The following YTHDF1 variants were observed in gnomAD, a reference collection of about 807,000 sequenced individuals.
The protein encoded by YTHDF1 is YTH N6-methyladenosine RNA binding protein F1.
YTHDF1 carries 16 observed loss-of-function variants against 49.1 expected under a neutral mutation model. The ratio of observed to expected loss-of-function variants is 0.33; its 90% CI spans 0.22 to 0.49. The LOEUF is 0.49. Among genes scored for constraint, YTHDF1 ranks in the 20% least tolerant of loss-of-function variants. YTHDF1 has a pLI of 0.99. For synonymous variants in YTHDF1, 313 were observed against 290.1 expected (o/e 1.08, Z -0.80); for missense variants, 621 against 744.3 (o/e 0.83, Z 1.93).
At chr20:63,209,865 C>G (rs6122401) in intron 3 of YTHDF1, among the ~76,000 whole-genome samples, 52,670 of 152,086 alleles carry the variant, frequency 0.35, 9,331 homozygotes, top group Middle Eastern at 0.46. Flanking sequence ...CATCTCCTGT[C>G]ACACCAATTG....
At chr20:63,213,432 CA>C (rs2066585318) in intron 3 of YTHDF1, among the ~76,000 whole-genome samples, 1 of 152,092 alleles carries the variant, frequency 6.6e-6, no homozygotes, top group Admixed American at 6.5e-5. Context: ...GACGCTGTCT[CA>C]AAAAAAGGAC....
At chr20:63,213,513 AAT>A (rs2066586035) in intron 3 of YTHDF1, among the ~76,000 whole-genome samples, 1 of 152,204 alleles carries the variant, frequency 6.6e-6, no homozygotes, top group Admixed American at 6.5e-5. Flanking sequence ...CCCAGACCAC[AAT>A]TCCAATCATC....
At position 63,203,951 on chromosome 20, in the gene YTHDF1, C is replaced by T. The variant is rs907340352; in HGVS notation, c.133-144G>A. ...CTCCTTCCAGAAAGAAAGCTGTAGT[C>T]GCCAATGTGAGAACCAAATCAAGAC... On this transcript the variant is annotated intron_variant, in intron 3 of 4. Coordinates refer to ENST00000370339, the MANE Select transcript of YTHDF1 (RefSeq NM_017798.4). The surrounding 1 kb of genome is among the most constrained non-coding windows in gnomAD (Gnocchi z 4.4). 4 of 741,656 alleles carry T rather than the reference C, an allele frequency of 5.4e-6. No individual in the cohort carries two copies. Among genetic ancestry groups the T allele is most frequent in the Admixed American group, 3.1e-5 (1 of 32,696 alleles). The allele number at this position is 741,656 out of a possible 1,614,324, so 45.9% of individuals were successfully genotyped here.
Position 63,203,321 on chromosome 20 carries a change from C to T in YTHDF1, c.619G>A (p.Val207Ile), listed in dbSNP as rs187686193. The T allele has an allele frequency of 8.8e-5, 142 of 1,613,508 alleles. No individual in the cohort carries two copies. In the East Asian group the frequency reaches 2.1e-3, roughly 24 times the overall value. The change falls in exon 4 of 5, where the codon GTC becomes ATC. Residue 207 changes from valine (V) to isoleucine (I), a missense_variant. Val to Ile is a conservative substitution (Grantham distance 29). This residue lies in a region of YTHDF1 where 470 missense variants were observed against 495.8 expected (regional missense o/e 0.95). Transcript: ENST00000370339. This position sits in a 1 kb window ranked among gnomAD's most constrained non-coding sequence, Gnocchi z 4.4. ...SSAVKTVGSV[V>I]SSVALTGVLS... Reference sequence around the variant, plus strand: ...ACACCAGTCAGTGCCACGCTGCTGACGACAGAGCCCACCGTCTTGACGGCG... The same window carrying T: ...ACACCAGTCAGTGCCACGCTGCTGATGACAGAGCCCACCGTCTTGACGGCG...
In YTHDF1 at chr20:63,196,688, T is replaced by C. The variant is rs751241936; in HGVS notation, c.*20A>G. ...GTTTTCAAAGTCAAACGTTAGAACA[T>C]GTAAGAAACTGGTTCGCCCTCATTG... On this transcript the variant is annotated 3_prime_UTR_variant, in exon 5 of 5. Coordinates refer to ENST00000370339, the MANE Select transcript of YTHDF1 (RefSeq NM_017798.4). 4 of 1,613,766 alleles carry C rather than the reference T, an allele frequency of 2.5e-6. No homozygotes were observed. The highest frequency in any genetic ancestry group is 3.4e-6 in the Non-Finnish European group (4 of 1,179,844).
intron 2 of YTHDF1, among the ~76,000 whole-genome samples, chr20:63,214,768 T>C (rs1568995931): frequency 2.6e-5 from 4 of 152,316 alleles, no homozygotes; most frequent in African/African-American, 9.6e-5. Flanking sequence ...CCACCAGGAA[T>C]TTCCTTGTGG....
intron 3 of YTHDF1, among the ~76,000 whole-genome samples, chr20:63,212,955 CAG>C (rs1491329388): frequency 6.6e-6 from 1 of 152,218 alleles, no homozygotes; most frequent in Non-Finnish European, 1.5e-5. Context: ...CCTAAGAAAA[CAG>C]GGCAGCTATG....
At chr20:63,201,331 GA>G (rs1293311616) in intron 4 of YTHDF1, among the ~76,000 whole-genome samples, 1 of 152,038 alleles carries the variant, frequency 6.6e-6, no homozygotes, top group Admixed American at 6.6e-5. Context: ...ATAGAGAACT[GA>G]AAAAAACACT....
intron 3 of YTHDF1, among the ~76,000 whole-genome samples, chr20:63,204,148 C>G (rs2066533588): frequency 6.6e-6 from 1 of 152,240 alleles, no homozygotes; most frequent in Non-Finnish European, 1.5e-5. Context: ...GAGTAAACCC[C>G]TGCCTGCTGA....
chr20:63,206,028 G>A (rs950227524), intron 3 of YTHDF1, among the ~76,000 whole-genome samples: 1 of 151,206 alleles, frequency 6.6e-6, no homozygotes, highest in African/African-American at 2.4e-5. Flanking sequence ...CTGGGGGGGT[G>A]AGCGAATCAG....
intron 2 of YTHDF1, among the ~76,000 whole-genome samples, chr20:63,214,360 C>T (rs2066590976): frequency 6.6e-6 from 1 of 152,184 alleles, no homozygotes; most frequent in South Asian, 2.1e-4. Flanking sequence ...GAAGGGGCTG[C>T]AACTGAAGGA....
In YTHDF1 at chr20:63,202,863, G is replaced by A. The variant is rs867032338; in HGVS notation, c.1077C>T (p.Ala359=). The A allele has an allele frequency of 1.2e-6, 2 of 1,613,938 alleles. No homozygotes were observed. Among genetic ancestry groups the A allele is most frequent in the Non-Finnish European group, 1.7e-6 (2 of 1,180,052 alleles). The change falls in exon 4 of 5, where the codon GCC becomes GCT. Residue 359 remains alanine, a synonymous_variant. Transcript: ENST00000370339. ...NSPGNVQPNS[A]PSVESHPVLE... ...GGACGGGGTGGGATTCGACGCTGGGGGCAGAATTAGGCTGGACGTTTCCAG... is the reference window on the plus strand; with the variant it reads ...GGACGGGGTGGGATTCGACGCTGGGAGCAGAATTAGGCTGGACGTTTCCAG...
chr20:63,200,598 G>A (rs2066512952), intron 4 of YTHDF1, among the ~76,000 whole-genome samples: 1 of 152,156 alleles, frequency 6.6e-6, no homozygotes, highest in South Asian at 2.1e-4. Context: ...CCTGCAGGCA[G>A]ATGCCCACAG....
At chr20:63,204,913 A>G (rs2066538654) in intron 3 of YTHDF1, among the ~76,000 whole-genome samples, 1 of 151,948 alleles carries the variant, frequency 6.6e-6, no homozygotes, top group African/African-American at 2.4e-5. Flanking sequence ...GTGTGTGCGC[A>G]CACACACCTG....
chr20:63,204,822 G>A (rs1005989889), intron 3 of YTHDF1, among the ~76,000 whole-genome samples: 3 of 152,102 alleles, frequency 2.0e-5, no homozygotes, highest in Admixed American at 2.0e-4. Context: ...TCTCCTTGGA[G>A]AGACTCAACT....
intron 4 of YTHDF1, among the ~76,000 whole-genome samples, chr20:63,200,491 G>C (rs927023290): frequency 1.2e-4 from 19 of 152,178 alleles, no homozygotes; most frequent in African/African-American, 4.6e-4. Flanking sequence ...TAACAGTTTA[G>C]GGGAGGGTTA....
chr20:63,197,615 C>T (rs769683190), intron 4 of YTHDF1, among the ~76,000 whole-genome samples: 8 of 152,126 alleles, frequency 5.3e-5, no homozygotes, highest in Non-Finnish European at 1.0e-4. Context: ...TGTGGTGGCG[C>T]ACCCTGTAAT....
At chr20:63,201,324 G>A (rs1012051252) in intron 4 of YTHDF1, among the ~76,000 whole-genome samples, 5 of 151,982 alleles carry the variant, frequency 3.3e-5, no homozygotes, top group African/African-American at 1.2e-4. Context: ...CTTTAACATA[G>A]AGAACTGAAA....
chr20:63,208,692 C>T (rs915096768), intron 3 of YTHDF1, among the ~76,000 whole-genome samples: 5 of 152,210 alleles, frequency 3.3e-5, no homozygotes, highest in Non-Finnish European at 5.9e-5. Context: ...GGCGCTGCCA[C>T]TGGGTATTTT....
Sources: allele counts gnomAD v4.1 joint callset (sites outside exome capture counted in the v4.1 genomes callset), GRCh38; gene constraint gnomAD v4.1.1; regional missense constraint gnomAD v4.1.1; non-coding constraint Gnocchi (gnomAD v3.1); transcripts MANE v1.5; gene names NCBI Gene and HGNC (gene_info 2026-07-23, HGNC 2026-07-21).